The following MED13L variants were observed in gnomAD, a reference collection of about 807,000 sequenced individuals.
MED13L encodes the protein mediator complex subunit 13L, also known as mediator of RNA polymerase II transcription subunit 13-like.
In MED13L, 7 loss-of-function variants were observed where a neutral mutation model predicts 220.9. The ratio of observed to expected loss-of-function variants is 0.03; its 90% CI spans 0.02 to 0.06. The LOEUF (loss-of-function observed/expected upper bound fraction) is 0.06. Among genes scored for constraint, MED13L ranks in the 10% least tolerant of loss-of-function variants. The pLI is 1.00. For missense variants in MED13L, 1,965 were observed against 2,760.5 expected (o/e 0.71, Z 6.46); for synonymous variants, 1,011 against 1,015.2 (o/e 1.00, Z 0.08).
chr12:116,220,088 A>T (rs1361655106), intron 2 of MED13L, among the ~76,000 whole-genome samples: 1 of 151,832 alleles, frequency 6.6e-6, no homozygotes, highest in Non-Finnish European at 1.5e-5. Flanking sequence ...GAGCCACCGC[A>T]CCCAGCCTAC....
Position 116,095,915 on chromosome 12 carries a change from G to A in MED13L, c.479+754C>T, listed in dbSNP as rs1872598234. Among the ~76,000 whole-genome samples, 3 of 152,134 alleles carry A rather than the reference G, an allele frequency of 2.0e-5. No homozygotes were observed. In the South Asian group the frequency reaches 6.2e-4, roughly 32 times the overall value. ...ACACATATGATGGCTAAAAGTTTAG[G>A]ATTGTTTAGGAAAGTAATTCACAGT... On this transcript the variant is annotated intron_variant, in intron 4 of 30. Coordinates refer to ENST00000281928, the MANE Select transcript of MED13L (RefSeq NM_015335.5).
In MED13L at chr12:115,966,066, A is replaced by G. The variant is rs1318110404; in HGVS notation, c.6387+16T>C. 2 of 1,613,872 alleles carry G rather than the reference A, an allele frequency of 1.2e-6. No individual in the cohort carries two copies. The highest frequency in any genetic ancestry group is 2.2e-5 in the East Asian group (1 of 44,888). On this transcript the variant is annotated intron_variant, in intron 29 of 30. Transcript: ENST00000281928. The stretch of plus-strand genomic sequence containing the variant: ...CACTCATTCCTTGCAAACTTCTAAT[A>G]TGACACCAAACCAACCTTTAAGAAG...
At chr12:116,081,067 T>C (rs1455385189) in intron 4 of MED13L, among the ~76,000 whole-genome samples, 1 of 152,218 alleles carries the variant, frequency 6.6e-6, no homozygotes, top group East Asian at 1.9e-4. Flanking sequence ...TACATTAATT[T>C]GTATATTTGT....
chr12:116,026,889 A>G (rs1248517885), intron 4 of MED13L, among the ~76,000 whole-genome samples: 2 of 152,198 alleles, frequency 1.3e-5, no homozygotes, highest in Non-Finnish European at 2.9e-5. Flanking sequence ...CCTGTTAACT[A>G]AACTATGGTA....
intron 4 of MED13L, among the ~76,000 whole-genome samples, chr12:116,068,967 C>T (rs921570554): frequency 2.0e-5 from 3 of 152,086 alleles, no homozygotes; most frequent in African/African-American, 7.2e-5. Context: ...GAGAATGCAG[C>T]ACTAACGTCA....
At position 116,026,631 on chromosome 12, in the gene MED13L, G is replaced by A. The variant is rs1592960948; in HGVS notation, c.480-4030C>T. ...CTGCTGCTGCTGCTCCTGGCTCAAAGACCACACTTTGAGAATCACTGGATT... is the reference window on the plus strand; with the variant it reads ...CTGCTGCTGCTGCTCCTGGCTCAAAAACCACACTTTGAGAATCACTGGATT... On this transcript the variant is annotated intron_variant, in intron 4 of 30. Coordinates refer to ENST00000281928, the MANE Select transcript of MED13L (RefSeq NM_015335.5). Among the ~76,000 whole-genome samples, 7 of 152,236 alleles carry A rather than the reference G, an allele frequency of 4.6e-5. No homozygotes were observed. The South Asian group carries it at 1.5e-3, about 32-fold the overall frequency.
At chr12:116,014,482 A>G (rs932026930) in intron 8 of MED13L, among the ~76,000 whole-genome samples, 4 of 152,206 alleles carry the variant, frequency 2.6e-5, no homozygotes, top group Non-Finnish European at 5.9e-5. Flanking sequence ...CTGTTTAGGC[A>G]ATTAAAATAA....
intron 4 of MED13L, among the ~76,000 whole-genome samples, chr12:116,077,924 G>A (rs1870928325): frequency 6.6e-6 from 1 of 152,294 alleles, no homozygotes; most frequent in East Asian, 1.9e-4. Flanking sequence ...AGGCCGAGGC[G>A]TGTAGATCAC....
intron 4 of MED13L, among the ~76,000 whole-genome samples, chr12:116,042,707 C>CA: frequency 6.6e-6 from 1 of 152,126 alleles, no homozygotes; most frequent in Admixed American, 6.6e-5. Context: ...AGCAATATAA[C>CA]AGAGGTGAAT....
chr12:116,161,616 C>T (rs1277967794), intron 2 of MED13L, among the ~76,000 whole-genome samples: 1 of 152,072 alleles, frequency 6.6e-6, no homozygotes, highest in Non-Finnish European at 1.5e-5. Context: ...CTATAGGAGA[C>T]AGATATAACC....
chr12:115,983,868 C>T (rs926422223), intron 20 of MED13L, among the ~76,000 whole-genome samples: 4 of 152,094 alleles, frequency 2.6e-5, no homozygotes, highest in Non-Finnish European at 5.9e-5. Flanking sequence ...ACATTATGCT[C>T]CTAGGTTTAC....
At position 116,224,176 on chromosome 12, in the gene MED13L, T is replaced by C. The variant is rs181769284; in HGVS notation, c.310+13292A>G. On this transcript the variant is annotated intron_variant, in intron 2 of 30. Coordinates refer to ENST00000281928, the MANE Select transcript of MED13L (RefSeq NM_015335.5). Reference sequence around the variant, plus strand: ...TTCAAAAACCCTCTAAGATCCCAACTACCTATGAAGCCCAAACTACTTAGC... The same window carrying C: ...TTCAAAAACCCTCTAAGATCCCAACCACCTATGAAGCCCAAACTACTTAGC... Among the ~76,000 whole-genome samples, 4 of 152,284 alleles carry C rather than the reference T, an allele frequency of 2.6e-5. No homozygotes were observed. In the East Asian group the frequency reaches 7.7e-4, roughly 29 times the overall value.
chr12:116,039,742 G>C (rs1427658829), intron 4 of MED13L, among the ~76,000 whole-genome samples: 12 of 152,032 alleles, frequency 7.9e-5, no homozygotes, highest in Admixed American at 7.2e-4. Flanking sequence ...TTTATATGAG[G>C]GGGTAGCAGT....
At chr12:116,130,192 A>G (rs1294159467) in intron 2 of MED13L, among the ~76,000 whole-genome samples, 1 of 152,202 alleles carries the variant, frequency 6.6e-6, no homozygotes, top group Non-Finnish European at 1.5e-5. Context: ...ACTTGTATAA[A>G]TTTAAGAAAA....
chr12:115,964,348 A>G (rs906156691), intron 29 of MED13L, among the ~76,000 whole-genome samples: 1 of 152,214 alleles, frequency 6.6e-6, no homozygotes, highest in South Asian at 2.1e-4. Context: ...CATGATCTGT[A>G]CATGACAAAT....
intron 2 of MED13L, among the ~76,000 whole-genome samples, chr12:116,143,111 A>T (rs1213920134): frequency 6.6e-6 from 1 of 152,214 alleles, no homozygotes; most frequent in Non-Finnish European, 1.5e-5. Context: ...ACCACTGATG[A>T]TGAAATGCCC....
intron 13 of MED13L, among the ~76,000 whole-genome samples, 166 bp downstream of exon 13, chr12:116,005,703 T>C (rs1359162073): frequency 6.6e-6 from 1 of 152,162 alleles, no homozygotes; most frequent in African/African-American, 2.4e-5. Flanking sequence ...ACTTTTTTTA[T>C]ACAGCATGAC....
chr12:116,048,846 C>T (rs1881991205), intron 4 of MED13L, among the ~76,000 whole-genome samples: 2 of 152,154 alleles, frequency 1.3e-5, no homozygotes, highest in African/African-American at 2.4e-5. Context: ...TTTAATATTA[C>T]TTTAAGGAGA....
At chr12:116,235,369 A>G (rs1395466260) in intron 2 of MED13L, among the ~76,000 whole-genome samples, 2 of 152,212 alleles carry the variant, frequency 1.3e-5, no homozygotes, top group Non-Finnish European at 2.9e-5. Context: ...ATCAAACTCC[A>G]AAGAAAAGTA....
Sources: allele counts gnomAD v4.1 joint callset (sites outside exome capture counted in the v4.1 genomes callset), GRCh38; gene constraint gnomAD v4.1.1; transcripts MANE v1.5; gene names NCBI Gene and HGNC (gene_info 2026-07-23, HGNC 2026-07-21).